SYTL2: variants seen among roughly 807,000 people sequenced by gnomAD.
SYTL2 encodes synaptotagmin like 2.
A neutral mutation model predicts 198.7 loss-of-function variants in SYTL2; 165 were observed. That is an observed-to-expected ratio of 0.83 (90% CI 0.73 to 0.94). SYTL2 has a LOEUF of 0.94. SYTL2 is among the 40% of genes least tolerant of loss of function. The pLI is 0.00. For missense variants in SYTL2, 2,835 were observed against 2,582.8 expected, an observed-to-expected ratio of 1.10 and a Z score of -2.12; for synonymous variants, 966 against 917.7, an observed-to-expected ratio of 1.05 and a Z score of -0.95.
intron 1 of SYTL2, among the ~76,000 whole-genome samples, chr11:85,806,659 A>G (rs2092962459): frequency 6.6e-6 from 1 of 152,226 alleles, no homozygotes; most frequent in African/African-American, 2.4e-5. Flanking sequence ...GGAGGCCCTT[A>G]GAAAATCAGG....
At chr11:85,728,555 G>GA (rs1591773579) in intron 7 of SYTL2, among the ~76,000 whole-genome samples, 1 of 152,086 alleles carries the variant, frequency 6.6e-6, no homozygotes, top group Non-Finnish European at 1.5e-5. Context: ...AAAGTGCTGG[G>GA]ATTACAGTCA....
chr11:85,711,761 A>G (rs1307204225), intron 12 of SYTL2, among the ~76,000 whole-genome samples: 1 of 151,924 alleles, frequency 6.6e-6, no homozygotes, highest in Non-Finnish European at 1.5e-5. Flanking sequence ...GGCCATATAT[A>G]TATATTTTTT....
intron 9 of SYTL2, chr11:85,719,328 G>C (rs2087891124): frequency 8.7e-7 from 1 of 1,155,204 alleles, no homozygotes; most frequent in South Asian, 1.8e-5. Context: ...GTGGAATCTT[G>C]GCAGGCTAGT....
In SYTL2 at chr11:85,757,675, C is replaced by G. The variant is rs1266556962; in HGVS notation, c.51G>C (p.Lys17Asn). 7 of 1,613,730 alleles carry G rather than the reference C, an allele frequency of 4.3e-6. No homozygotes were observed. The highest frequency in any genetic ancestry group is 5.9e-6 in the Non-Finnish European group (7 of 1,179,944). The stretch of plus-strand genomic sequence containing the variant: ...TCAGAGCAGCATCCCGCTGCAAAAC[C>G]TTCATGATGGCCTCTTGTTCCTCTT... ...LTEEEQEAIM[K>N]VLQRDAALKR... Residue 17 changes from lysine (K) to asparagine (N), a missense_variant, in exon 2 of 20, where the codon AAG becomes AAC. Lys to Asn is a moderately conservative substitution (Grantham distance 94). Coordinates refer to ENST00000359152, the MANE Select transcript of SYTL2 (RefSeq NM_206927.4).
chr11:85,711,173 C>CT lies in SYTL2; in HGVS notation c.5684dup (p.Lys1896GlufsTer10), dbSNP rs1395989882. On this transcript the variant is annotated frameshift_variant, in exon 13 of 20. Coordinates refer to ENST00000359152, the MANE Select transcript of SYTL2 (RefSeq NM_206927.4). LOFTEE classifies it high-confidence loss of function. Reference sequence around the variant, plus strand: ...GATTGGTTAAAGAGCTCGGGCTCTTCTTGTGTCTGCTGAGCTGGTAACTGC... The same window carrying CT: ...GATTGGTTAAAGAGCTCGGGCTCTTCTTTGTGTCTGCTGAGCTGGTAACTGC... The CT allele has an allele frequency of 1.9e-6, 3 of 1,613,902 alleles. No individual in the cohort carries two copies. The highest frequency in any genetic ancestry group is 2.5e-6 in the Non-Finnish European group (3 of 1,179,910).
the SYTL2 span, among the ~76,000 whole-genome samples, chr11:85,822,895 C>T: frequency 6.6e-6 from 1 of 152,224 alleles, no homozygotes; most frequent in Non-Finnish European, 1.5e-5. Context: ...AATGACTTCC[C>T]AAGCAAGCAC....
intron 16 of SYTL2, among the ~76,000 whole-genome samples, chr11:85,704,157 C>T (rs893243779): frequency 1.1e-4 from 17 of 151,944 alleles, no homozygotes; most frequent in Admixed American, 3.3e-4. Context: ...AAAAATATAT[C>T]TGAACTATAA....
rs552390760 is a variant in SYTL2, at chr11:85,801,493, G to A, written c.-390+9461C>T. On this transcript the variant is annotated intron_variant, in intron 1 of 19. Coordinates refer to ENST00000359152, the MANE Select transcript of SYTL2 (RefSeq NM_206927.4). ...TACTCTCCTATAGAAGTCTTGAATA[G>A]CAGCACCATCTCTACAAGTACCATT... Among the ~76,000 whole-genome samples, 8 of 152,316 alleles carry A rather than the reference G, an allele frequency of 5.3e-5. No homozygotes were observed. The South Asian group carries it at 8.3e-4, about 16-fold the overall frequency.
At chr11:85,839,400 C>T in the SYTL2 span, among the ~76,000 whole-genome samples, 6 of 152,152 alleles carry the variant, frequency 3.9e-5, no homozygotes, top group Non-Finnish European at 4.4e-5. Flanking sequence ...CTCCCAGCAG[C>T]ACATCTGAAG....
chr11:85,756,252 A>C (rs1371312032), intron 2 of SYTL2, among the ~76,000 whole-genome samples: 1 of 152,192 alleles, frequency 6.6e-6, no homozygotes, highest in Non-Finnish European at 1.5e-5. Context: ...TGTTTAAGGC[A>C]CACCATTTGC....
intron 1 of SYTL2, among the ~76,000 whole-genome samples, chr11:85,769,375 T>G (rs1040314235): frequency 6.6e-6 from 1 of 152,082 alleles, no homozygotes; most frequent in Non-Finnish European, 1.5e-5. Context: ...TGGAGTGATG[T>G]GTTTTGAAGA....
rs1312235076 is a variant in SYTL2 at position 85,793,615 on chromosome 11, G to A, written c.-390+17339C>T. Among the ~76,000 whole-genome samples the A allele has an allele frequency of 2.6e-5, 4 of 152,152 alleles. No individual in the cohort carries two copies. The East Asian group carries it at 7.7e-4, about 29-fold the overall frequency. ...ATAACATCCATGAAATTTAATTTGA[G>A]ATATCTCATAACCAATATTTTATAA... On this transcript the variant is annotated intron_variant, in intron 1 of 19. Coordinates refer to ENST00000359152, the MANE Select transcript of SYTL2 (RefSeq NM_206927.4).
At chr11:85,754,941 C>T (rs1057325245) in intron 2 of SYTL2, among the ~76,000 whole-genome samples, 4 of 152,136 alleles carry the variant, frequency 2.6e-5, no homozygotes, top group African/African-American at 9.7e-5. Context: ...TTGGCACTGA[C>T]TTAATGTGTG....
At chr11:85,837,853 T>C in the SYTL2 span, among the ~76,000 whole-genome samples, 3 of 152,290 alleles carry the variant, frequency 2.0e-5, no homozygotes, top group Admixed American at 6.5e-5. Context: ...CTGTAACTGG[T>C]CTTTTCCAAA....
rs1225304625 is a variant in SYTL2 at position 85,737,612 on chromosome 11, T to C, written c.434A>G (p.Gln145Arg). Residue 145 changes from glutamine to arginine, a missense_variant, in exon 5 of 20, where the codon CAG becomes CGG. Gln to Arg is a conservative substitution (Grantham distance 43, BLOSUM62 1). Around this residue, in one of 3 missense-constraint regions of SYTL2, gnomAD observed 2,645 missense variants for 2,381.7 expected, o/e 1.11. Coordinates refer to ENST00000359152, the MANE Select transcript of SYTL2 (RefSeq NM_206927.4). ...NPASSVIDMS[Q>R]ENTRKPNVSP... ...CACATTTGGTTTCCTTGTGTTTTCC[T>C]GGGACATATCAATCACACTGGAAGC... The C allele has an allele frequency of 1.2e-6, 2 of 1,614,044 alleles. No homozygotes were observed. The highest frequency in any genetic ancestry group is 4.5e-5 in the East Asian group (2 of 44,880).
intron 11 of SYTL2, chr11:85,716,695 T>TACACACACACACACACACACACACAC (rs67088133): frequency 4.3e-5 from 6 of 140,734 alleles, no homozygotes; most frequent in East Asian, 4.1e-4. Context: ...TAAAAAATCA[T>TACACACACACACACACACACACACAC]ACACACACAC....
Position 85,694,922 on chromosome 11 carries a change from CT to C in SYTL2, c.*272del. The C allele has an allele frequency of 7.2e-6, 2 of 276,802 alleles. No individual in the cohort carries two copies. The highest frequency in any genetic ancestry group is 6.8e-6 in the Non-Finnish European group (1 of 147,562). The allele number at this position is 276,802 out of a possible 1,614,324, so 17.1% of individuals were successfully genotyped here. A position where few individuals can be genotyped will look rare whatever the true frequency, so the allele number is the denominator to read the frequency against. On this transcript the variant is annotated 3_prime_UTR_variant, in exon 20 of 20. Transcript: ENST00000359152. ...CCCCATGTTTAATGCTCTGGGGCAG[CT>C]TTTTCTTTGAAGCAGCAGCAGAAAT...
chr11:85,851,500 T>G, the SYTL2 span, among the ~76,000 whole-genome samples: 1 of 152,250 alleles, frequency 6.6e-6, no homozygotes, highest in Non-Finnish European at 1.5e-5. Context: ...AGACAGCATA[T>G]TTGGCTTCTT....
chr11:85,764,985 A>C (rs1426581400), intron 1 of SYTL2, among the ~76,000 whole-genome samples: 1 of 152,204 alleles, frequency 6.6e-6, no homozygotes, highest in African/African-American at 2.4e-5. Context: ...GGTGGGTAAC[A>C]ATGCTACATG....
Sources: gnomAD v4.1 joint callset for allele counts (sites outside exome capture counted in the v4.1 genomes callset) on GRCh38, gnomAD v4.1.1 for gene constraint, gnomAD v4.1.1 regional missense constraint, MANE v1.5 for transcripts, NCBI Gene and HGNC (gene_info 2026-07-23, HGNC 2026-07-21) for gene names.